The following CCN5 variants were observed in gnomAD, a reference collection of about 807,000 sequenced individuals.
CCN5 encodes the protein cellular communication network factor 5.
In CCN5, 17 loss-of-function variants were observed where a neutral mutation model predicts 18.7. The observed-to-expected ratio is 0.91, with a 90% confidence interval of 0.62 to 1.36. CCN5 has a LOEUF of 1.36. CCN5 is among the 40% of genes most tolerant of loss of function. The pLI, the probability that CCN5 is intolerant of heterozygous loss-of-function variation, is 0.00. For missense variants in CCN5, 367 were observed against 342.9 expected, an observed-to-expected ratio of 1.07 and a Z score of -0.56; for synonymous variants, 135 against 145.2, an observed-to-expected ratio of 0.93 and a Z score of 0.50.
intron 2 of CCN5, among the ~76,000 whole-genome samples, chr20:44,722,338 C>T (rs955590542): frequency 2.6e-5 from 4 of 152,180 alleles, no homozygotes; most frequent in African/African-American, 9.7e-5. Context: ...ACAGCGCATC[C>T]AATGCCGGGA....
intron 2 of CCN5, among the ~76,000 whole-genome samples, chr20:44,722,250 ATCACTTACT>A (rs1196114021): frequency 6.6e-6 from 1 of 152,156 alleles, no homozygotes; most frequent in Admixed American, 6.5e-5. Flanking sequence ...AACCTCTCCC[ATCACTTACT>A]CGTTGAACGC....
At chr20:44,720,623 G>A (rs2065892687) in intron 2 of CCN5, 2 of 168,764 alleles carry the variant, frequency 1.2e-5, no homozygotes, top group South Asian at 1.7e-4. Context: ...CAGCATTAAG[G>A]GACATGCTTC....
Position 44,715,377 on chromosome 20 carries a change from G to T in CCN5, c.-14G>T. ...GGTCCGCCTCCCAGGCTCAAAGCTG[G>T]CTCTGCAGGGGACATGAGAGGCACA... On this transcript the variant is annotated 5_prime_UTR_variant, in exon 1 of 4. Transcript: ENST00000190983. 1 of 1,596,786 alleles carries T rather than the reference G, an allele frequency of 6.3e-7. No individual in the cohort carries two copies. The highest frequency in any genetic ancestry group is 8.5e-7 in the Non-Finnish European group (1 of 1,172,392).
At chr20:44,717,761 AGCTACTTGGGAGGCTGAG>A (rs1334008537) in intron 1 of CCN5, among the ~76,000 whole-genome samples, 1 of 151,856 alleles carries the variant, frequency 6.6e-6, no homozygotes, top group African/African-American at 2.4e-5. Context: ...CTGTAATCCT[AGCTACTTGGGAGGCTGAG>A]GCCTCCCAAG....
At position 44,724,771 on chromosome 20, in the gene CCN5, G is replaced by A. The variant is rs755546175; in HGVS notation, c.311G>A (p.Gly104Asp). ...AEDDSSCEVN[G>D]RLYREGETFQ... ...GACGACAGCAGCTGTGAGGTGAACG[G>A]CCGCCTGTATCGGGAAGGGGAGACC... The change falls in exon 3 of 4, where the codon GGC becomes GAC. Residue 104 changes from glycine (G) to aspartate (D), a missense_variant. Coordinates refer to ENST00000190983, the MANE Select transcript of CCN5 (RefSeq NM_003881.4). 1.1e-5 allele frequency: 17 copies of A among 1,612,544 alleles called. No homozygotes were observed. The highest frequency in any genetic ancestry group is 1.1e-5 in the Non-Finnish European group (13 of 1,179,846).
At chr20:44,723,762 T>C (rs2065916197) in intron 2 of CCN5, 1 of 152,268 alleles carries the variant, frequency 6.6e-6, no homozygotes, top group African/African-American at 2.4e-5. Context: ...AGGCAGGAAC[T>C]GTCCTCTTTC....
At chr20:44,715,641 T>C (rs892020015) in intron 1 of CCN5, among the ~76,000 whole-genome samples, 191 bp downstream of exon 1, 10 of 152,362 alleles carry the variant, frequency 6.6e-5, no homozygotes, top group African/African-American at 1.9e-4. Context: ...AGCCCTGCTG[T>C]GTGACCTCAG....
At chr20:44,721,318 GC>G in intron 2 of CCN5, 1 of 144,724 alleles carries the variant, frequency 6.9e-6, no homozygotes, top group South Asian at 2.2e-4. Context: ...TCCAGCCTTG[GC>G]AACATAGTAA....
At position 44,715,422 on chromosome 20, in the gene CCN5, C is replaced by A. The variant is rs367574523; in HGVS notation, c.32C>A (p.Ala11Asp). MRGTPKTHLL[A>D]FSLLCLLSKV... ...GGCACACCGAAGACCCACCTCCTGG[C>A]CTTCTCCCTCCTCTGCCTCCTCTCA... The change falls in exon 1 of 4, where the codon GCC becomes GAC. Residue 11 changes from alanine to aspartate, a missense_variant. Coordinates refer to ENST00000190983, the MANE Select transcript of CCN5 (RefSeq NM_003881.4). 1 of 1,601,094 alleles carries A rather than the reference C, an allele frequency of 6.2e-7. No homozygotes were observed. The highest frequency in any genetic ancestry group is 1.7e-5 in the Admixed American group (1 of 58,278).
At position 44,719,926 on chromosome 20, in the gene CCN5, T is replaced by G; in HGVS notation, c.90T>G (p.Cys30Trp). 6.2e-7 allele frequency: 1 copy of G among 1,613,884 alleles called. No individual in the cohort carries two copies. The highest frequency in any genetic ancestry group is 1.1e-5 in the South Asian group (1 of 91,054). ...KVRTQLCPTP[C>W]TCPWPPPRCP... ...GTACCCAGCTGTGCCCGACACCATG[T>G]ACCTGCCCCTGGCCACCTCCCCGAT... Residue 30 changes from cysteine to tryptophan, a missense_variant, in exon 2 of 4, where the codon TGT becomes TGG. By Grantham distance (215) the Cys-to-Trp change is radical. Coordinates refer to ENST00000190983, the MANE Select transcript of CCN5 (RefSeq NM_003881.4).
upstream of CCN5, chr20:44,715,356 C>A: frequency 6.3e-7 from 1 of 1,578,824 alleles, no homozygotes. Context: ...CTCACAGGTC[C>A]GCCTCCCAGG....
upstream of CCN5, chr20:44,714,918 A>G (rs564245318): frequency 6.3e-6 from 1 of 159,066 alleles, no homozygotes; most frequent in East Asian, 1.8e-4. Flanking sequence ...GGGGTTGTTT[A>G]CTGAATGCTT....
intron 1 of CCN5, among the ~76,000 whole-genome samples, chr20:44,718,292 G>T (rs1354949264): frequency 5.9e-5 from 9 of 152,190 alleles, no homozygotes; most frequent in Admixed American, 4.6e-4. Context: ...GGTAGTGGGG[G>T]CACTGGGCGG....
intron 3 of CCN5, among the ~76,000 whole-genome samples, chr20:44,725,236 G>A (rs1216982389): frequency 4.6e-5 from 7 of 151,988 alleles, no homozygotes; most frequent in Non-Finnish European, 8.8e-5. Flanking sequence ...TTAGGAATTC[G>A]AAACCAGCCT....
rs776865164 is a variant in CCN5, at chr20:44,727,630, C to T, written c.*323C>T. ...CATGCACACGGGCGAGCTTTCTCTC[C>T]GACTTCCCCTGGGCAAGAGATGGGA... On this transcript the variant is annotated 3_prime_UTR_variant, in exon 4 of 4. Coordinates refer to ENST00000190983, the MANE Select transcript of CCN5 (RefSeq NM_003881.4). 118 of 891,712 alleles carry T rather than the reference C, an allele frequency of 1.3e-4. No individual in the cohort carries two copies. The highest frequency in any genetic ancestry group is 1.6e-4 in the Non-Finnish European group (107 of 674,656). The allele number at this position is 891,712 out of a possible 1,614,324, so 55.2% of individuals were successfully genotyped here. A position where few individuals can be genotyped will look rare whatever the true frequency, so the allele number is the denominator to read the frequency against.
intron 2 of CCN5, chr20:44,724,502 G>A (rs962764756): frequency 1.6e-5 from 9 of 570,686 alleles, no homozygotes; most frequent in Non-Finnish European, 2.4e-5. Flanking sequence ...GCTAAGAAAG[G>A]GCAGAGTTTG....
chr20:44,726,331 C>T (rs1482939989), intron 3 of CCN5, among the ~76,000 whole-genome samples: 4 of 152,064 alleles, frequency 2.6e-5, no homozygotes, highest in Admixed American at 1.3e-4. Context: ...TGTCCCTATG[C>T]ACGTATACAG....
Position 44,715,467 on chromosome 20 carries a change from C to T in CCN5, c.60+17C>T, listed in dbSNP as rs1372725312. On this transcript the variant is annotated intron_variant, in intron 1 of 3. Coordinates refer to ENST00000190983, the MANE Select transcript of CCN5 (RefSeq NM_003881.4). ...CTCTCAAAGGTAAGGAGGCCCGGGC[C>T]CTGGAATGCACTGCTGACTATTTGG... is the stretch of plus-strand genomic sequence containing the variant. 6.3e-7 allele frequency: 1 copy of T among 1,584,184 alleles called. No individual in the cohort carries two copies. Among genetic ancestry groups the T allele is most frequent in the Non-Finnish European group, 8.6e-7 (1 of 1,164,742 alleles).
At chr20:44,721,929 C>A (rs1004733370) in intron 2 of CCN5, among the ~76,000 whole-genome samples, 1 of 152,254 alleles carries the variant, frequency 6.6e-6, no homozygotes, top group Admixed American at 6.5e-5. Context: ...GCTGGCTCCA[C>A]AAGCTCCATT....
Sources: gnomAD v4.1 joint callset for allele counts (sites outside exome capture counted in the v4.1 genomes callset) on GRCh38, gnomAD v4.1.1 for gene constraint, MANE v1.5 for transcripts, NCBI Gene and HGNC (gene_info 2026-07-23, HGNC 2026-07-21) for gene names.